Variants in CLN6 observed in about 807,000 individuals in gnomAD.
CLN6 encodes ceroid-lipofuscinosis neuronal protein 6.
A neutral mutation model predicts 33.3 loss-of-function variants in CLN6; 22 were observed. The observed-to-expected ratio is 0.66, with a 90% CI of 0.47 to 0.94. The LOEUF is 0.94. CLN6 is among the 40% of genes least tolerant of loss of function. The probability of loss-of-function intolerance (pLI) is 0.00; values close to 1 mark genes in which losing one functional copy is unlikely to be tolerated. For missense variants in CLN6, 387 were observed against 417.1 expected, an observed-to-expected ratio of 0.93 and a Z score of 0.63; for synonymous variants, 201 against 174.6, an observed-to-expected ratio of 1.15 and a Z score of -1.19.
intron 1 of CLN6, among the ~76,000 whole-genome samples, chr15:68,222,175 C>T (rs62002465): frequency 0.018 from 2,467 of 140,498 alleles, 63 homozygotes; most frequent in African/African-American, 0.061. Flanking sequence ...TCTGCCCGGC[C>T]GCCCCATCTG....
At chr15:68,230,411 C>T (rs376928353), upstream of CLN6, among the ~76,000 whole-genome samples, 9 of 152,150 alleles carry the variant, frequency 5.9e-5, no homozygotes, top group African/African-American at 2.2e-4. The surrounding 1 kb of genome is among the most constrained non-coding windows in gnomAD (Gnocchi z 4.0). Context: ...GAAGCTGAGG[C>T]GAGACCTGGG....
rs1169479974 is a variant in CLN6 at position 68,246,732 on chromosome 15, A to T, written c.179+9958T>A. On this transcript the variant is annotated intron_variant, in intron 1 of 6. Transcript: ENST00000538696. This position sits in a 1 kb window ranked among gnomAD's most constrained non-coding sequence, Gnocchi z 4.5. ...TGAAAGAAATAATAAATATCAGAGC[A>T]GAAATAAATGAAATTAGGCTAAAAT... Among the ~76,000 whole-genome samples the T allele has an allele frequency of 1.3e-5, 2 of 152,174 alleles. No homozygotes were observed. Among genetic ancestry groups the T allele is most frequent in the African/African-American group, 4.8e-5 (2 of 41,412 alleles).
At chr15:68,237,513 C>T (rs1182200980) in intron 1 of CLN6, among the ~76,000 whole-genome samples, 1 of 151,958 alleles carries the variant, frequency 6.6e-6, no homozygotes, top group Non-Finnish European at 1.5e-5. Context: ...AACAAAACAA[C>T]AATAACAAAA....
chr15:68,256,764 T>A lies in CLN6; in HGVS notation c.105A>T (p.Arg35=), dbSNP rs1206443987. 2 of 701,966 alleles carry A rather than the reference T, an allele frequency of 2.8e-6. No individual in the cohort carries two copies. The highest frequency in any genetic ancestry group is 3.0e-5 in the South Asian group (2 of 67,574). 43.5% of individuals were successfully genotyped at this position (701,966 alleles called of 1,614,324 possible). ...GCGCCTGCGCCAGTGGCTTGAAGGC[T>A]CGGCTCAAGCCCGCCTCGCCTCCCT... Residue 35 remains arginine (R), a synonymous_variant, in exon 1 of 7, where the codon CGA becomes CGT. Transcript: ENST00000538696. This position sits in a 1 kb window ranked among gnomAD's most constrained non-coding sequence, Gnocchi z 4.1.
chr15:68,229,800 G>T, upstream of CLN6: 1 of 344,068 alleles, frequency 2.9e-6, no homozygotes, highest in Non-Finnish European at 5.2e-6. Flanking sequence ...GGAGGGAGAC[G>T]GGGCGGGCTC....
chr15:68,233,715 G>C (rs1892189384), upstream of CLN6, among the ~76,000 whole-genome samples: 1 of 152,228 alleles, frequency 6.6e-6, no homozygotes, highest in South Asian at 2.1e-4. The surrounding 1 kb of genome is among the most constrained non-coding windows in gnomAD (Gnocchi z 4.3). Context: ...GACAGACGAA[G>C]TGGGACCAGG....
At chr15:68,229,963 G>A (rs1283030513), upstream of CLN6, among the ~76,000 whole-genome samples, 1 of 152,236 alleles carries the variant, frequency 6.6e-6, no homozygotes, top group Non-Finnish European at 1.5e-5. Context: ...GGGTGACTGA[G>A]GCCTGGGTGT....
At chr15:68,255,307 ACCC>A (rs34086056) in intron 1 of CLN6, among the ~76,000 whole-genome samples, 2 of 151,876 alleles carry the variant, frequency 1.3e-5, no homozygotes, top group Non-Finnish European at 2.9e-5. Context: ...GTTGGACCTG[ACCC>A]CCCCCAATAA....
chr15:68,249,434 A>G (rs1386166835), intron 1 of CLN6, among the ~76,000 whole-genome samples: 6 of 152,264 alleles, frequency 3.9e-5, no homozygotes, highest in Non-Finnish European at 5.9e-5. Context: ...GTGCCCATCA[A>G]CTGAATGTAT....
At position 68,211,456 on chromosome 15, in the gene CLN6, C is replaced by T; in HGVS notation, c.487-138G>A. 1 of 1,531,116 alleles carries T rather than the reference C, an allele frequency of 6.5e-7. No homozygotes were observed. 94.8% of individuals were successfully genotyped at this position (1,531,116 alleles called of 1,614,324 possible). On this transcript the variant is annotated intron_variant, in intron 4 of 6. Coordinates refer to ENST00000249806, the MANE Select transcript of CLN6 (RefSeq NM_017882.3). This position sits in a 1 kb window ranked among gnomAD's most constrained non-coding sequence, Gnocchi z 5.9. ...CACTGCCTTATTCCCTACCCGGGGC[C>T]TCGCCTTCTGTTACAGGGGCCCAGG...
chr15:68,221,179 T>C (rs1198073035), intron 1 of CLN6, among the ~76,000 whole-genome samples: 1 of 151,996 alleles, frequency 6.6e-6, no homozygotes, highest in Non-Finnish European at 1.5e-5. Flanking sequence ...TTTTGATTAC[T>C]AGGCTTATCA....
At chr15:68,214,674 T>G in intron 2 of CLN6, 2 of 401,624 alleles carry the variant, frequency 5.0e-6, no homozygotes, top group Non-Finnish European at 9.5e-6. Flanking sequence ...ACCCAGCAGA[T>G]ACCAAATAAA....
In CLN6 at chr15:68,207,780, C is replaced by T. The variant is rs1036683386; in HGVS notation, c.*360G>A. 9 of 362,930 alleles carry T rather than the reference C, an allele frequency of 2.5e-5. No homozygotes were observed. The highest frequency in any genetic ancestry group is 4.2e-5 in the African/African-American group (2 of 47,518). 22.5% of individuals were successfully genotyped at this position (362,930 alleles called of 1,614,324 possible). On this transcript the variant is annotated 3_prime_UTR_variant, in exon 7 of 7. Transcript: ENST00000249806. ...CTGCCCCACCCAGCCCTCTCCTGCA[C>T]GGCTACCAGAAGATGTCCGGGAAGA...
rs56883694 is a variant in CLN6 at position 68,212,031 on chromosome 15, G to A, written c.298-168C>T. On this transcript the variant is annotated intron_variant, in intron 3 of 6. Coordinates refer to ENST00000249806, the MANE Select transcript of CLN6 (RefSeq NM_017882.3). ...GCCAGCCCAGCCTCCAGATCCTCCC[G>A]TGACCCCTATGAACCCCGGAGGGAA... The A allele has an allele frequency of 4.3e-3, 2,851 of 667,146 alleles. 50 individuals are homozygous for A. Among genetic ancestry groups the A allele is most frequent in the African/African-American group, 0.041 (2,304 of 55,636 alleles). 41.3% of individuals were successfully genotyped at this position (667,146 alleles called of 1,614,324 possible).
chr15:68,214,418 C>T (rs765378621), intron 2 of CLN6, 30 bp from the exon 3 acceptor site: 5 of 1,563,258 alleles, frequency 3.2e-6, no homozygotes, highest in Non-Finnish European at 8.8e-7. Flanking sequence ...ATGGGCTCAC[C>T]TGGGCACAGC....
At chr15:68,232,003 A>C (rs938280712), upstream of CLN6, among the ~76,000 whole-genome samples, 3 of 152,118 alleles carry the variant, frequency 2.0e-5, no homozygotes, top group Non-Finnish European at 4.4e-5. The surrounding 1 kb of genome is among the most constrained non-coding windows in gnomAD (Gnocchi z 4.7). Context: ...TGCACATCAG[A>C]AGGGAGTCTA....
At chr15:68,218,951 C>T (rs931478398) in intron 1 of CLN6, among the ~76,000 whole-genome samples, 5 of 152,136 alleles carry the variant, frequency 3.3e-5, no homozygotes, top group African/African-American at 7.2e-5. Context: ...AGGCAAAGGA[C>T]GCAATCGTGG....
upstream of CLN6, among the ~76,000 whole-genome samples, chr15:68,230,027 C>G (rs2093265664): frequency 6.6e-6 from 1 of 152,104 alleles, no homozygotes; most frequent in African/African-American, 2.4e-5. This position sits in a 1 kb window ranked among gnomAD's most constrained non-coding sequence, Gnocchi z 4.0. Flanking sequence ...TTAAATGCTC[C>G]CCGGGGCAGA....
chr15:68,214,388 G>C lies in CLN6; in HGVS notation c.199C>G (p.Leu67Val), dbSNP rs759935979. ...GGAAACCACTCGAGAGGGAATACCA[G>C]CTGCGGAGCAAATGGAAGAATGGGC... ...VLDFGRPIAM[L>V]VFPLEWFPLN... The change falls in exon 3 of 7, where the codon CTG becomes GTG. Residue 67 changes from leucine (L) to valine (V), a missense_variant and splice_region_variant. Physicochemically the swap from Leu to Val is conservative, Grantham distance 32. Coordinates refer to ENST00000249806, the MANE Select transcript of CLN6 (RefSeq NM_017882.3). 9.9e-6 allele frequency: 16 copies of C among 1,612,200 alleles called. No homozygotes were observed. The highest frequency in any genetic ancestry group is 1.2e-5 in the Non-Finnish European group (14 of 1,178,222).
Sources: gnomAD v4.1 joint callset for allele counts (sites outside exome capture counted in the v4.1 genomes callset) on GRCh38, gnomAD v4.1.1 for gene constraint, Gnocchi (gnomAD v3.1) non-coding constraint, MANE v1.5 for transcripts, NCBI Gene and HGNC (gene_info 2026-07-23, HGNC 2026-07-21) for gene names.